SERPINB7: variants seen among roughly 807,000 people sequenced by gnomAD.
SERPINB7 encodes serpin family B member 7, also known as serpin B7.
SERPINB7 carries 31 observed loss-of-function variants against 37.4 expected under a neutral mutation model. The observed-to-expected ratio is 0.83, with a 90% confidence interval of 0.62 to 1.12. The LOEUF is 1.12. Ranked by LOEUF, SERPINB7 falls within the 50% of genes most tolerant of loss-of-function variation. SERPINB7 has a pLI of 0.00. For synonymous variants in SERPINB7, 163 were observed against 166.1 expected (o/e 0.98, Z 0.14); for missense variants, 521 against 455.3 (o/e 1.14, Z -1.31).
chr18:63,772,446 T>C (rs2049216797), upstream of SERPINB7, among the ~76,000 whole-genome samples: 1 of 152,108 alleles, frequency 6.6e-6, no homozygotes, highest in Admixed American at 6.6e-5. Flanking sequence ...ATACATCATT[T>C]ATATTTAACT....
chr18:63,797,990 A>G (rs2049505995), intron 5 of SERPINB7, among the ~76,000 whole-genome samples: 1 of 152,226 alleles, frequency 6.6e-6, no homozygotes, highest in African/African-American at 2.4e-5. Flanking sequence ...GGTGACTTTA[A>G]TCTGTGCTCC....
chr18:63,794,986 C>T (rs2144635685), intron 4 of SERPINB7, among the ~76,000 whole-genome samples: 1 of 152,198 alleles, frequency 6.6e-6, no homozygotes, highest in South Asian at 2.1e-4. Context: ...AACATCTTTC[C>T]ACAAAAATAT....
intron 1 of SERPINB7, among the ~76,000 whole-genome samples, chr18:63,779,803 T>G (rs1051602117): frequency 1.3e-5 from 2 of 152,064 alleles, no homozygotes; most frequent in Non-Finnish European, 2.9e-5. Flanking sequence ...TTTTAGAAAA[T>G]GAAAATTTGT....
intron 1 of SERPINB7, among the ~76,000 whole-genome samples, chr18:63,759,966 C>G (rs562926371): frequency 2.0e-5 from 3 of 152,122 alleles, no homozygotes; most frequent in East Asian, 3.8e-4. Context: ...CAGACTAATA[C>G]AGTAAATTGG....
intron 1 of SERPINB7, among the ~76,000 whole-genome samples, chr18:63,781,121 C>T (rs899259730): frequency 1.1e-4 from 17 of 152,152 alleles, no homozygotes; most frequent in African/African-American, 3.4e-4. Context: ...AAAGCCAACA[C>T]AATGGCAATT....
At chr18:63,770,040 T>C (rs780748083) in intron 1 of SERPINB7, among the ~76,000 whole-genome samples, 6 of 148,848 alleles carry the variant, frequency 4.0e-5, no homozygotes, top group African/African-American at 7.5e-5. Flanking sequence ...AGGCAGGACA[T>C]TGCCGCTTCT....
chr18:63,762,023 A>G (rs957725052), intron 1 of SERPINB7, among the ~76,000 whole-genome samples: 1 of 152,188 alleles, frequency 6.6e-6, no homozygotes, highest in African/African-American at 2.4e-5. Flanking sequence ...AGTGACGTCT[A>G]CTTCCATGTT....
At chr18:63,785,363 G>A (rs1234606239) in intron 2 of SERPINB7, among the ~76,000 whole-genome samples, 1 of 151,962 alleles carries the variant, frequency 6.6e-6, no homozygotes, top group Non-Finnish European at 1.5e-5. Flanking sequence ...TCTTTTTGAT[G>A]CTCAAAGTGT....
chr18:63,804,961 G>C lies in SERPINB7; in HGVS notation c.*326G>C, dbSNP rs2049592465. 3.9e-6 allele frequency: 1 copy of C among 257,602 alleles called. No homozygotes were observed. The highest frequency in any genetic ancestry group is 1.1e-4 in the South Asian group (1 of 8,700). 16.0% of individuals were successfully genotyped at this position (257,602 alleles called of 1,614,324 possible). On this transcript the variant is annotated 3_prime_UTR_variant, in exon 8 of 8. Coordinates refer to ENST00000398019, the MANE Select transcript of SERPINB7 (RefSeq NM_003784.4). ...AACTGGTAAGGAGAACGTAGAAGTA[G>C]CCCTAGGGATCCTTTTTGAAACTCT...
chr18:63,800,383 G>A (rs2049534588), intron 6 of SERPINB7, among the ~76,000 whole-genome samples: 1 of 151,650 alleles, frequency 6.6e-6, no homozygotes, highest in South Asian at 2.1e-4. Flanking sequence ...AATTTTGTTA[G>A]TACTAGTCTG....
chr18:63,766,036 C>A (rs777539755), intron 1 of SERPINB7, among the ~76,000 whole-genome samples: 10 of 152,098 alleles, frequency 6.6e-5, no homozygotes, highest in Admixed American at 2.0e-4. Flanking sequence ...TGCTGCTCTA[C>A]CTCCTGCAGC....
chr18:63,782,424 G>C lies in SERPINB7; in HGVS notation c.52G>C (p.Glu18Gln), dbSNP rs764440200. ...NAEFCFNLFR[E>Q]MDDNQGNGNV... ...AGAGTTTTGCTTCAACCTGTTCAGA[G>C]AGATGGATGACAATCAAGGAAATGG... is the stretch of plus-strand genomic sequence containing the variant. The change falls in exon 2 of 8, where the codon GAG (glutamate) becomes CAG (glutamine). Residue 18 changes from glutamate (E) to glutamine (Q), a missense_variant. Coordinates refer to ENST00000398019, the MANE Select transcript of SERPINB7 (RefSeq NM_003784.4). 2 of 1,614,202 alleles carry C rather than the reference G, an allele frequency of 1.2e-6. No homozygotes were observed. Among genetic ancestry groups the C allele is most frequent in the Non-Finnish European group, 1.7e-6 (2 of 1,180,022 alleles).
At chr18:63,803,102 G>GA (rs1439547246) in intron 7 of SERPINB7, among the ~76,000 whole-genome samples, 1 of 152,160 alleles carries the variant, frequency 6.6e-6, no homozygotes, top group Non-Finnish European at 1.5e-5. Flanking sequence ...CTTACTGTCT[G>GA]AATTTTCCTT....
chr18:63,797,188 G>A (rs1396915847), intron 5 of SERPINB7, among the ~76,000 whole-genome samples: 1 of 152,100 alleles, frequency 6.6e-6, no homozygotes, highest in East Asian at 1.9e-4. Context: ...GCCTTGATTT[G>A]TACTCTAAAT....
chr18:63,770,562 G>A (rs572187933), upstream of SERPINB7, among the ~76,000 whole-genome samples: 165 of 151,894 alleles, frequency 1.1e-3, no homozygotes, highest in Non-Finnish European at 2.0e-3. Context: ...TTTTACTCAG[G>A]AATTAATGAC....
intron 1 of SERPINB7, among the ~76,000 whole-genome samples, chr18:63,764,877 C>G (rs1886789780): frequency 6.6e-6 from 1 of 151,976 alleles, no homozygotes; most frequent in African/African-American, 2.4e-5. Context: ...AAATCAACTA[C>G]CAGAAGAGGT....
chr18:63,794,517 T>C (rs1030354917), intron 4 of SERPINB7, among the ~76,000 whole-genome samples: 6 of 151,788 alleles, frequency 4.0e-5, no homozygotes, highest in Non-Finnish European at 7.4e-5. Context: ...GGTGAAACCC[T>C]GTCTCTACTA....
chr18:63,785,227 C>T (rs1330870210), intron 2 of SERPINB7, among the ~76,000 whole-genome samples: 1 of 152,210 alleles, frequency 6.6e-6, no homozygotes, highest in South Asian at 2.1e-4. Context: ...CAGTTGGTTT[C>T]TCATTACTAC....
upstream of SERPINB7, among the ~76,000 whole-genome samples, chr18:63,772,793 G>A (rs571204976): frequency 1.2e-4 from 19 of 152,238 alleles, no homozygotes; most frequent in Middle Eastern, 3.4e-3. Flanking sequence ...TTGGGGCCAC[G>A]ACAACGTGAT....
Sources: gnomAD v4.1 joint callset for allele counts (sites outside exome capture counted in the v4.1 genomes callset) on GRCh38, gnomAD v4.1.1 for gene constraint, MANE v1.5 for transcripts, NCBI Gene and HGNC (gene_info 2026-07-23, HGNC 2026-07-21) for gene names.